TMEM176A: variants seen among roughly 807,000 people sequenced by gnomAD.
TMEM176A encodes transmembrane protein 176A.
In TMEM176A, 20 loss-of-function variants were observed where a neutral mutation model predicts 27.9. The ratio of observed to expected loss-of-function variants is 0.72; its 90% CI spans 0.50 to 1.04. TMEM176A has a LOEUF of 1.04. TMEM176A is among the 50% of genes least tolerant of loss of function. The pLI is 0.00. For missense variants in TMEM176A, 252 were observed against 289.1 expected (o/e 0.87, Z 0.93); for synonymous variants, 125 against 118.0 (o/e 1.06, Z -0.38).
intron 2 of TMEM176A, 27 bp downstream of exon 2, chr7:150,801,751 G>A (rs1033765375): frequency 6.8e-7 from 1 of 1,469,578 alleles, no homozygotes; most frequent in Non-Finnish European, 8.9e-7. Context: ...GCCTCGTCGG[G>A]CGGCGGGAGG....
chr7:150,802,905 A>G, intron 3 of TMEM176A: 1 of 988,588 alleles, frequency 1.0e-6, no homozygotes, highest in Non-Finnish European at 1.2e-6. Context: ...TAATTACAGA[A>G]TTAGCCAAAC....
chr7:150,801,702 G>A lies in TMEM176A; in HGVS notation c.152G>A (p.Ser51Asn). 1 of 1,540,184 alleles carries A rather than the reference G, an allele frequency of 6.5e-7. No homozygotes were observed. ...CGGGCCACCCAGGCCAGGGGCAGCAGCCGGCTGCTGGTGGCCTCGTGGGTG... is the reference window on the plus strand; with the variant it reads ...CGGGCCACCCAGGCCAGGGGCAGCAACCGGCTGCTGGTGGCCTCGTGGGTG... ...RPRATQARGS[S>N]RLLVASWVMQ... The change falls in exon 2 of 7, where the codon AGC becomes AAC. Residue 51 changes from serine (S) to asparagine (N), a missense_variant. By Grantham distance (46) the Ser-to-Asn change is conservative (BLOSUM62 1). Transcript: ENST00000004103.
At chr7:150,801,354 G>A (rs1690650295) in intron 1 of TMEM176A, 182 bp from the exon 2 acceptor site, 1 of 494,148 alleles carries the variant, frequency 2.0e-6, no homozygotes, top group Non-Finnish European at 3.3e-6. Context: ...GTTCCAGCAT[G>A]GTCAGCACCC....
At position 150,803,642 on chromosome 7, in the gene TMEM176A, C is replaced by T. The variant is rs141054903; in HGVS notation, c.365C>T (p.Thr122Met). Residue 122 changes from threonine (T) to methionine (M), a missense_variant, in exon 5 of 7, where the codon ACG becomes ATG. Thr to Met is a moderately conservative substitution (Grantham distance 81). Coordinates refer to ENST00000004103, the MANE Select transcript of TMEM176A (RefSeq NM_018487.3). ...CAGGCCCTGCTGAGGACTCTGCTAA[C>T]GCTGGCAGCTTTCTCCACAGCCATC... is the stretch of plus-strand genomic sequence containing the variant. ...TYWALLRTLL[T>M]LAAFSTAIAA... 436 of 1,614,038 alleles carry T rather than the reference C, an allele frequency of 2.7e-4. 2 individuals carry two copies. In the South Asian group the frequency reaches 3.1e-3, roughly 11 times the overall value.
intron 3 of TMEM176A, chr7:150,802,556 GCT>G: frequency 1.4e-6 from 1 of 690,166 alleles, no homozygotes; most frequent in African/African-American, 1.8e-5. Context: ...CACCAGGCTG[GCT>G]GCCTCTCCCT....
Position 150,803,710 on chromosome 7 carries a change from T to C in TMEM176A, c.433T>C (p.Ser145Pro). ...LWNEDFRYGY[S>P]YYNSACRISS... Reference sequence around the variant, plus strand: ...GAATGAAGATTTCCGATATGGCTACTCTTATTACAACAGTGCCTGCCGCAT... The same window carrying C: ...GAATGAAGATTTCCGATATGGCTACCCTTATTACAACAGTGCCTGCCGCAT... The change falls in exon 5 of 7, where the codon TCT (serine) becomes CCT (proline). Residue 145 changes from serine to proline, a missense_variant. By Grantham distance (74) the Ser-to-Pro change is moderately conservative. Coordinates refer to ENST00000004103, the MANE Select transcript of TMEM176A (RefSeq NM_018487.3). The C allele has an allele frequency of 6.2e-7, 1 of 1,614,120 alleles. No individual in the cohort carries two copies.
intron 2 of TMEM176A, 109 bp from the exon 3 acceptor site, chr7:150,802,106 T>TTCTCTTC (rs1798815869): frequency 1.3e-5 from 9 of 696,880 alleles, no homozygotes; most frequent in Admixed American, 2.5e-5. Context: ...CTTCTCTTCT[T>TTCTCTTC]TCTTTCTCTC....
chr7:150,803,509 C>A, intron 4 of TMEM176A, 53 bp downstream of exon 4: 1 of 1,574,436 alleles, frequency 6.4e-7, no homozygotes, highest in Non-Finnish European at 8.6e-7. Flanking sequence ...GGAGGTCACC[C>A]CAATCTCCTG....
At chr7:150,801,432 T>C (rs11767388) in intron 1 of TMEM176A, 104 bp from the exon 2 acceptor site, 14,155 of 1,175,748 alleles carry the variant, frequency 0.012, 115 homozygotes, top group Non-Finnish European at 0.014. Flanking sequence ...CAGCCATTCA[T>C]TGGGTGACTT....
chr7:150,802,767 A>G (rs1798842560), intron 3 of TMEM176A: 1 of 999,942 alleles, frequency 1.0e-6, no homozygotes, highest in Non-Finnish European at 1.2e-6. Context: ...GGGTGTGTGC[A>G]GTTTGCACAG....
In TMEM176A at chr7:150,801,562, C is replaced by A. The variant is rs778458407; in HGVS notation, c.12C>A (p.Ala4=). ...CTGTGTCCCTGACAATGGGAACAGC[C>A]GACAGTGATGAGATGGCCCCGGAGG... MGT[A]DSDEMAPEAP... The change falls in exon 2 of 7, where the codon GCC becomes GCA. Residue 4 remains alanine (A), a synonymous_variant. Transcript: ENST00000004103. The A allele has an allele frequency of 1.5e-5, 24 of 1,602,154 alleles. No homozygotes were observed. The South Asian group carries it at 2.5e-4, about 16-fold the overall frequency.
chr7:150,800,970 T>C, intron 1 of TMEM176A, 142 bp downstream of exon 1: 5 of 985,874 alleles, frequency 5.1e-6, no homozygotes, highest in Non-Finnish European at 6.0e-6. Flanking sequence ...GGAAGCCAGG[T>C]GCGGCCCCGG....
chr7:150,804,744 C>G lies in TMEM176A; in HGVS notation c.667-83C>G, dbSNP rs1798886815. 5 of 1,411,966 alleles carry G rather than the reference C, an allele frequency of 3.5e-6. No individual in the cohort carries two copies. In the South Asian group the frequency reaches 5.8e-5, roughly 16 times the overall value. The allele number at this position is 1,411,966 out of a possible 1,614,324, so 87.5% of individuals were successfully genotyped here. On this transcript the variant is annotated intron_variant, in intron 6 of 6. Coordinates refer to ENST00000004103, the MANE Select transcript of TMEM176A (RefSeq NM_018487.3). ...GGTACCATGCTGCTGATTCTGGTAG[C>G]TCCAGAGCTAAGCTGCCCCTGGAGG...
At chr7:150,802,368 G>A in intron 3 of TMEM176A, 43 bp downstream of exon 3, 2 of 1,550,650 alleles carry the variant, frequency 1.3e-6, no homozygotes, top group African/African-American at 2.7e-5. Flanking sequence ...TGAGAGGGGT[G>A]GGGCATTGCT....
chr7:150,802,227 G>C lies in TMEM176A; in HGVS notation c.187G>C (p.Val63Leu). 6.2e-7 allele frequency: 1 copy of C among 1,614,008 alleles called. No homozygotes were observed. The highest frequency in any genetic ancestry group is 2.2e-5 in the East Asian group (1 of 44,872). ...CTTTGTCTTTCAGGTGATGCAGATCGTGCTGGGGATCTTGAGTGCAGTCCT... is the reference window on the plus strand; with the variant it reads ...CTTTGTCTTTCAGGTGATGCAGATCCTGCTGGGGATCTTGAGTGCAGTCCT... ...LLVASWVMQI[V>L]LGILSAVLGG... The change falls in exon 3 of 7, where the codon GTG becomes CTG. Residue 63 changes from valine to leucine, a missense_variant. Val to Leu is a conservative substitution (Grantham distance 32). Transcript: ENST00000004103.
At chr7:150,804,545 G>GAT (rs1798883435) in intron 6 of TMEM176A, 73 bp downstream of exon 6, 1 of 1,350,836 alleles carries the variant, frequency 7.4e-7, no homozygotes. Flanking sequence ...ATGGACAGTG[G>GAT]ACAGTTTGGG....
intron 6 of TMEM176A, 164 bp downstream of exon 6, chr7:150,804,636 C>A: frequency 1.2e-6 from 1 of 855,966 alleles, no homozygotes; most frequent in Non-Finnish European, 1.8e-6. Flanking sequence ...GCCCAGAAAG[C>A]CCCTATCCCC....
chr7:150,803,564 T>C, intron 4 of TMEM176A, 56 bp from the exon 5 acceptor site: 1 of 1,601,910 alleles, frequency 6.2e-7, no homozygotes, highest in Admixed American at 1.7e-5. Context: ...TTCCCCCGAC[T>C]GGACTCTGAG....
chr7:150,804,928 C>G lies in TMEM176A; in HGVS notation c.*60C>G, dbSNP rs1044608. The G allele has an allele frequency of 0.083, 130,470 of 1,568,394 alleles. 6,153 individuals carry two copies. The highest frequency in any genetic ancestry group is 0.15 in the African/African-American group (11,465 of 74,126). On this transcript the variant is annotated 3_prime_UTR_variant, in exon 7 of 7. Transcript: ENST00000004103. ...CTGCACCGGGCGTCCCTGCATCTGA[C>G]TGCTGGAAGAAGAACCAGACTGAGG...
Sources: allele counts gnomAD v4.1 joint callset, GRCh38; gene constraint gnomAD v4.1.1; transcripts MANE v1.5; gene names NCBI Gene and HGNC (gene_info 2026-07-23, HGNC 2026-07-21).